The following PCDH9 variants were observed in gnomAD, a reference collection of about 807,000 sequenced individuals.
PCDH9 encodes protocadherin 9, also known as protocadherin-9.
PCDH9 carries 24 observed loss-of-function variants against 70.6 expected under a neutral mutation model. The observed-to-expected ratio is 0.34, with a 90% CI of 0.25 to 0.48. The LOEUF (loss-of-function observed/expected upper bound fraction) is 0.48. PCDH9 is among the 20% of genes least tolerant of loss of function. PCDH9 has a pLI of 0.99. For synonymous variants in PCDH9, 562 were observed against 558.5 expected (o/e 1.01, Z -0.09); for missense variants, 1,281 against 1,503.6 (o/e 0.85, Z 2.45).
At chr13:66,565,456 T>A (rs1273833617) in intron 4 of PCDH9, among the ~76,000 whole-genome samples, 1 of 152,202 alleles carries the variant, frequency 6.6e-6, no homozygotes, top group Admixed American at 6.5e-5. Context: ...GGAATGAACT[T>A]CCTCAGTAGT....
At chr13:67,080,607 G>C (rs181287568) in intron 2 of PCDH9, among the ~76,000 whole-genome samples, 218 of 152,264 alleles carry the variant, frequency 1.4e-3, no homozygotes, top group Admixed American at 3.6e-3. Flanking sequence ...GCTGTTTACT[G>C]GTAACTATGA....
At chr13:66,903,782 C>T (rs2082315006) in intron 2 of PCDH9, among the ~76,000 whole-genome samples, 177 bp from the exon 3 acceptor site, 1 of 151,512 alleles carries the variant, frequency 6.6e-6, no homozygotes, top group South Asian at 2.1e-4. Flanking sequence ...TTTAATTGTC[C>T]CAGGATAAAC....
chr13:67,027,302 C>T (rs868067216), intron 2 of PCDH9, among the ~76,000 whole-genome samples: 5 of 152,208 alleles, frequency 3.3e-5, no homozygotes, highest in African/African-American at 1.2e-4. Flanking sequence ...CTGAGAAAAA[C>T]AAGAAATGGG....
At chr13:66,774,369 G>T (rs1400332525) in intron 3 of PCDH9, among the ~76,000 whole-genome samples, 1 of 152,070 alleles carries the variant, frequency 6.6e-6, no homozygotes, top group African/African-American at 2.4e-5. Context: ...GAAGAAAGCA[G>T]CTCCCAAACA....
At chr13:67,130,245 A>T (rs982110613) in intron 2 of PCDH9, among the ~76,000 whole-genome samples, 3 of 152,188 alleles carry the variant, frequency 2.0e-5, no homozygotes, top group African/African-American at 7.2e-5. Context: ...ATTTCAATGT[A>T]TTTCTGATAC....
chr13:67,221,271 C>T (rs2089718817), intron 2 of PCDH9: 1 of 152,054 alleles, frequency 6.6e-6, no homozygotes, highest in South Asian at 2.1e-4. Flanking sequence ...AATATCAATT[C>T]TGTGACTGCC....
chr13:66,700,923 A>AACATATATATATAT (rs1425269335), intron 3 of PCDH9, among the ~76,000 whole-genome samples: 7 of 58,432 alleles, frequency 1.2e-4, no homozygotes, highest in Non-Finnish European at 2.3e-4. Context: ...TGTACATATA[A>AACATATATATATAT]ATATATATAT....
At chr13:66,310,875 A>G (rs1955548721) in intron 4 of PCDH9, among the ~76,000 whole-genome samples, 1 of 152,066 alleles carries the variant, frequency 6.6e-6, no homozygotes, top group Non-Finnish European at 1.5e-5. Flanking sequence ...CTGTCATGTT[A>G]TAATATTATT....
intron 4 of PCDH9, among the ~76,000 whole-genome samples, chr13:66,330,923 A>G (rs1955931338): frequency 6.6e-6 from 1 of 152,196 alleles, no homozygotes; most frequent in South Asian, 2.1e-4. Context: ...CTGACAGGCT[A>G]TGAAATTTGT....
intron 2 of PCDH9, among the ~76,000 whole-genome samples, chr13:67,077,493 A>C (rs544955750): frequency 5.6e-4 from 86 of 152,252 alleles, no homozygotes; most frequent in African/African-American, 2.0e-3. Context: ...TTCTTTTCTT[A>C]CAAATATCAC....
rs536627932 is a variant in PCDH9 at position 66,836,205 on chromosome 13, G to A, written c.3138+67299C>T. On this transcript the variant is annotated intron_variant, in intron 3 of 4. Coordinates refer to ENST00000377865, the MANE Select transcript of PCDH9 (RefSeq NM_203487.3). The stretch of plus-strand genomic sequence containing the variant: ...TGGACACTGAAGTTCAAAACAAAAA[G>A]CAATTTCTCTTATACTCTTGACCCC... 3.9e-5 allele frequency among the ~76,000 whole-genome samples: 6 copies of A among 152,198 alleles called. No homozygotes were observed. In the East Asian group the frequency reaches 9.7e-4, roughly 25 times the overall value.
chr13:66,648,511 G>A (rs2077803604), intron 3 of PCDH9, among the ~76,000 whole-genome samples: 1 of 152,082 alleles, frequency 6.6e-6, no homozygotes, highest in East Asian at 1.9e-4. Flanking sequence ...ACCTTGGGGT[G>A]CCCCCTAATG....
At chr13:66,328,825 C>G (rs1485467721) in intron 4 of PCDH9, among the ~76,000 whole-genome samples, 1 of 151,966 alleles carries the variant, frequency 6.6e-6, no homozygotes, top group African/African-American at 2.4e-5. Flanking sequence ...AAAGAAATAT[C>G]AAAGCATATT....
At chr13:66,332,740 C>T (rs1955965639) in intron 4 of PCDH9, among the ~76,000 whole-genome samples, 1 of 151,628 alleles carries the variant, frequency 6.6e-6, no homozygotes, top group African/African-American at 2.4e-5. Context: ...CAACAGGAAC[C>T]AGAGGAGAAG....
chr13:66,580,200 A>G (rs994716127), intron 4 of PCDH9, among the ~76,000 whole-genome samples: 17 of 152,030 alleles, frequency 1.1e-4, no homozygotes, highest in Admixed American at 1.1e-3. Context: ...TGTACATCTA[A>G]CCAAATATTC....
chr13:66,649,917 T>C (rs1267281759), intron 3 of PCDH9, among the ~76,000 whole-genome samples: 1 of 151,586 alleles, frequency 6.6e-6, no homozygotes, highest in Non-Finnish European at 1.5e-5. Flanking sequence ...TTTACAATAA[T>C]GCATTATAAG....
intron 2 of PCDH9, among the ~76,000 whole-genome samples, chr13:66,980,726 C>CTTTTTTTTTTT (rs1327800250): frequency 6.6e-4 from 22 of 33,376 alleles, no homozygotes; most frequent in Non-Finnish European, 9.5e-4. Context: ...CTGTTTTTTT[C>CTTTTTTTTTTT]TTTGTTTTTT....
intron 4 of PCDH9, among the ~76,000 whole-genome samples, chr13:66,537,496 G>T (rs2138647922): frequency 6.6e-6 from 1 of 152,190 alleles, no homozygotes; most frequent in Non-Finnish European, 1.5e-5. Context: ...AAATGAAGGA[G>T]TTTGATATGC....
intron 2 of PCDH9, among the ~76,000 whole-genome samples, chr13:66,944,053 A>G (rs1278756554): frequency 6.6e-6 from 1 of 152,144 alleles, no homozygotes; most frequent in Non-Finnish European, 1.5e-5. Context: ...TGAAATAATG[A>G]TTAGTAAATA....
Sources: allele counts gnomAD v4.1 joint callset (sites outside exome capture counted in the v4.1 genomes callset), GRCh38; gene constraint gnomAD v4.1.1; transcripts MANE v1.5; gene names NCBI Gene and HGNC (gene_info 2026-07-23, HGNC 2026-07-21).